The following WDR19 variants were observed in gnomAD, a reference collection of about 807,000 sequenced individuals.
WDR19 encodes WD repeat-containing protein 19.
In WDR19, 121 loss-of-function variants were observed where a neutral mutation model predicts 180.0. The observed-to-expected ratio is 0.67, with a 90% CI of 0.58 to 0.78. WDR19 has a LOEUF of 0.78. WDR19 is among the 30% of genes least tolerant of loss of function. WDR19 has a pLI of 0.00. For synonymous variants in WDR19, 497 were observed against 540.7 expected (o/e 0.92, Z 1.12); for missense variants, 1,450 against 1,640.7 (o/e 0.88, Z 2.01).
rs181580140 is a variant in WDR19 at position 39,195,283 on chromosome 4, C to T, written c.406+624C>T. ...TCGGGAGGCTGAGGCAGGAGAATCACTTGAACTCGGAGGGTGGATGTTGCA... is the reference window on the plus strand; with the variant it reads ...TCGGGAGGCTGAGGCAGGAGAATCATTTGAACTCGGAGGGTGGATGTTGCA... On this transcript the variant is annotated intron_variant, in intron 5 of 36. Transcript: ENST00000399820. Among the ~76,000 whole-genome samples the T allele has an allele frequency of 2.0e-4, 30 of 150,952 alleles. No individual in the cohort carries two copies. In the East Asian group the frequency reaches 5.5e-3, roughly 28 times the overall value.
chr4:39,207,404 C>T (rs1292466106), intron 9 of WDR19, among the ~76,000 whole-genome samples: 1 of 152,200 alleles, frequency 6.6e-6, no homozygotes, highest in South Asian at 2.1e-4. Context: ...AAGACATAAA[C>T]GTGCATATTG....
chr4:39,216,128 AC>A lies in WDR19; in HGVS notation c.1170del (p.Asn391ThrfsTer5), dbSNP rs1438876541. The stretch of plus-strand genomic sequence containing the variant: ...CAATCACAGTTTCTGTTGATGTGGA[AC>A]CCAACTTTGTGGCAGTAGGTCTTTA... ...LPITVSVDVEPNFVAVGLYHL... is the reference protein window; with the variant it reads ...LPITVSVDVEXNFVAVGLYHL... On this transcript the variant is annotated frameshift_variant, in exon 12 of 37. Transcript: ENST00000399820. LOFTEE classifies it high-confidence loss of function. 1 of 1,593,962 alleles carries A rather than the reference AC, an allele frequency of 6.3e-7. No homozygotes were observed. The highest frequency in any genetic ancestry group is 1.3e-5 in the African/African-American group (1 of 74,640).
At chr4:39,216,441 C>T (rs987977516) in intron 12 of WDR19, among the ~76,000 whole-genome samples, 2 of 152,204 alleles carry the variant, frequency 1.3e-5, no homozygotes, top group African/African-American at 4.8e-5. Flanking sequence ...AGAATGTGAG[C>T]TTCAGAATTA....
chr4:39,185,762 G>A lies in WDR19; in HGVS notation c.43G>A (p.Ala15Thr), dbSNP rs865806299. The A allele has an allele frequency of 1.8e-5, 28 of 1,559,200 alleles. No homozygotes were observed. Among genetic ancestry groups the A allele is most frequent in the Non-Finnish European group, 2.3e-5 (27 of 1,150,668 alleles). Residue 15 changes from alanine (A) to threonine (T), a missense_variant, in exon 2 of 37, where the codon GCA (alanine) becomes ACA (threonine). Physicochemically the swap from Ala to Thr is moderately conservative, Grantham distance 58. Coordinates refer to ENST00000399820, the MANE Select transcript of WDR19 (RefSeq NM_025132.4). ...ACTGCTAGAAAAGACTTGGCTTGGC[G>A]CACCAATACAGTTTGCCTGGCAAAA... ...FSLLEKTWLG[A>T]PIQFAWQKTS...
chr4:39,237,743 T>C (rs1472724389), intron 20 of WDR19: 1 of 152,170 alleles, frequency 6.6e-6, no homozygotes, highest in Non-Finnish European at 1.5e-5. Context: ...TCTTAGTACA[T>C]AACACAAGAG....
chr4:39,280,887 C>T (rs1048550207), intron 36 of WDR19, among the ~76,000 whole-genome samples: 6 of 152,096 alleles, frequency 3.9e-5, no homozygotes, highest in African/African-American at 1.4e-4. Context: ...CTTTGATCCA[C>T]TTAGTTTTTG....
chr4:39,198,390 C>G (rs1419346374), intron 5 of WDR19, among the ~76,000 whole-genome samples: 2 of 151,398 alleles, frequency 1.3e-5, no homozygotes, highest in Non-Finnish European at 2.9e-5. Flanking sequence ...AACCCCATCT[C>G]TACTAAAAAT....
chr4:39,266,579 C>A (rs1734819007), intron 29 of WDR19, among the ~76,000 whole-genome samples: 1 of 152,102 alleles, frequency 6.6e-6, no homozygotes, highest in Non-Finnish European at 1.5e-5. Context: ...GATAGCCATG[C>A]CCCTCTAGAT....
At chr4:39,194,269 T>G (rs41282371) in intron 4 of WDR19, among the ~76,000 whole-genome samples, 1 of 152,324 alleles carries the variant, frequency 6.6e-6, no homozygotes, top group African/African-American at 2.4e-5. Context: ...TTAATAAATA[T>G]CTCATCATAG....
chr4:39,244,200 C>T (rs762821605), intron 21 of WDR19, 48 bp from the exon 22 acceptor site: 6 of 1,588,626 alleles, frequency 3.8e-6, no homozygotes, highest in Non-Finnish European at 4.3e-6. Context: ...TTAAACACAT[C>T]GTGTTAAGCT....
intron 19 of WDR19, 149 bp from the exon 20 acceptor site, chr4:39,234,617 A>G (rs775898285): frequency 7.8e-6 from 5 of 641,924 alleles, no homozygotes; most frequent in Non-Finnish European, 1.4e-5. Flanking sequence ...GAGAATACAT[A>G]CTATAGTAAT....
intron 28 of WDR19, among the ~76,000 whole-genome samples, chr4:39,264,394 G>A (rs1241260951): frequency 2.0e-5 from 3 of 152,204 alleles, no homozygotes; most frequent in Non-Finnish European, 4.4e-5. Context: ...ACACAGATTG[G>A]TGAAAGCCTA....
chr4:39,270,144 T>G (rs748912763), intron 31 of WDR19, 44 bp downstream of exon 31: 1 of 1,606,694 alleles, frequency 6.2e-7, no homozygotes, highest in East Asian at 2.2e-5. Context: ...GCCAGGTGTT[T>G]GTCCCCCATT....
chr4:39,198,412 T>A (rs568398349), intron 5 of WDR19, among the ~76,000 whole-genome samples: 5 of 150,860 alleles, frequency 3.3e-5, no homozygotes, highest in African/African-American at 9.7e-5. Context: ...CAAAAAAAAA[T>A]TAGCCAGGCA....
At chr4:39,209,636 C>A (rs983218391) in intron 9 of WDR19, among the ~76,000 whole-genome samples, 1 of 149,344 alleles carries the variant, frequency 6.7e-6, no homozygotes, top group African/African-American at 2.5e-5. Flanking sequence ...CGCTTGAACC[C>A]AGGAGGCAGA....
At chr4:39,274,719 T>C in intron 32 of WDR19, 89 bp from the exon 33 acceptor site, 1 of 1,469,326 alleles carries the variant, frequency 6.8e-7, no homozygotes, top group Non-Finnish European at 9.3e-7. Flanking sequence ...CATGACCCTG[T>C]TTTCCTACAG....
chr4:39,281,226 T>TAGAGAGAGAGAGAGAGAG (rs1432490593), intron 36 of WDR19, among the ~76,000 whole-genome samples: 4 of 102,104 alleles, frequency 3.9e-5, no homozygotes, highest in Admixed American at 8.5e-5. Context: ...TATATATATA[T>TAGAGAGAGAGAGAGAGAG]ATATATATAT....
chr4:39,244,535 C>T lies in WDR19; in HGVS notation c.2628C>T (p.Tyr876=). 1.2e-6 allele frequency: 2 copies of T among 1,614,018 alleles called. No individual in the cohort carries two copies. The highest frequency in any genetic ancestry group is 1.7e-6 in the Non-Finnish European group (2 of 1,179,876). ...GLYYDKAASV[Y]IRSKNWAKVG... is the part of the protein sequence containing the mutation. ...ACTACGATAAAGCAGCATCTGTTTA[C>T]ATCCGCTCTAAGAATTGGTAAGAGC... The change falls in exon 23 of 37, where the codon TAC becomes TAT. Residue 876 remains tyrosine, a synonymous_variant. Coordinates refer to ENST00000399820, the MANE Select transcript of WDR19 (RefSeq NM_025132.4).
intron 3 of WDR19, among the ~76,000 whole-genome samples, chr4:39,189,266 T>TA (rs2109249431): frequency 6.6e-6 from 1 of 152,284 alleles, no homozygotes; most frequent in African/African-American, 2.4e-5. Context: ...TCTGTCAATC[T>TA]AAAATAATCT....
Sources: allele counts gnomAD v4.1 joint callset (sites outside exome capture counted in the v4.1 genomes callset), GRCh38; gene constraint gnomAD v4.1.1; transcripts MANE v1.5; gene names NCBI Gene and HGNC (gene_info 2026-07-23, HGNC 2026-07-21).